ARK2N: variants seen among roughly 807,000 people sequenced by gnomAD.
The protein encoded by ARK2N is protein ARK2N.
At chr18:46,257,789 CT>C in the ARK2N span, among the ~76,000 whole-genome samples, 1 of 152,012 alleles carries the variant, frequency 6.6e-6, no homozygotes, top group Non-Finnish European at 1.5e-5. Flanking sequence ...GGAACAGTTC[CT>C]TTTGGTACCT....
chr18:46,255,755 T>G, the ARK2N span, among the ~76,000 whole-genome samples: 1 of 151,928 alleles, frequency 6.6e-6, no homozygotes, highest in African/African-American at 2.4e-5. Flanking sequence ...TTGGCCTCTT[T>G]TTCTTTTTTT....
At chr18:46,243,824 T>G in the ARK2N span, among the ~76,000 whole-genome samples, 5 of 152,194 alleles carry the variant, frequency 3.3e-5, no homozygotes, top group African/African-American at 1.2e-4. Context: ...AAAAGGTTAT[T>G]GTTACCACTA....
At chr18:46,185,694 AAAC>A in the ARK2N span, among the ~76,000 whole-genome samples, 2 of 152,194 alleles carry the variant, frequency 1.3e-5, no homozygotes, top group African/African-American at 4.8e-5. Flanking sequence ...CTTGTTTAAA[AAAC>A]CAGGTAAGGC....
chr18:46,202,016 G>T, the ARK2N span, among the ~76,000 whole-genome samples: 6 of 152,134 alleles, frequency 3.9e-5, no homozygotes, highest in East Asian at 1.2e-3. Flanking sequence ...GACCTCAGGT[G>T]GTCCACCTTC....
At chr18:46,211,360 A>C in the ARK2N span, among the ~76,000 whole-genome samples, 1 of 152,108 alleles carries the variant, frequency 6.6e-6, no homozygotes, top group East Asian at 1.9e-4. Context: ...AGCATGTGCC[A>C]CCATGCTCAG....
At chr18:46,265,184 G>C in the ARK2N span, 2 of 152,644 alleles carry the variant, frequency 1.3e-5, no homozygotes, top group African/African-American at 4.8e-5. Context: ...TTTCTGGTCT[G>C]TGTTTTCCAG....
At chr18:46,234,557 T>C in the ARK2N span, among the ~76,000 whole-genome samples, 2 of 151,918 alleles carry the variant, frequency 1.3e-5, no homozygotes, top group African/African-American at 4.8e-5. Context: ...AAAACTGCTT[T>C]TTTTTTTTTC....
chr18:46,258,297 T>A, the ARK2N span, among the ~76,000 whole-genome samples: 1 of 152,216 alleles, frequency 6.6e-6, no homozygotes, highest in Admixed American at 6.5e-5. Flanking sequence ...CAAGGATTCA[T>A]TTCCTCTTCA....
chr18:46,218,102 A>G, the ARK2N span: 2 of 152,216 alleles, frequency 1.3e-5, no homozygotes, highest in Admixed American at 6.5e-5. Context: ...TTTTGTGGAA[A>G]GGAAGAAGGT....
At chr18:46,248,937 A>G in the ARK2N span, among the ~76,000 whole-genome samples, 3 of 152,090 alleles carry the variant, frequency 2.0e-5, no homozygotes, top group Non-Finnish European at 4.4e-5. Context: ...TCATTGGACC[A>G]ATCCCCCATC....
At chr18:46,248,567 C>G in the ARK2N span, among the ~76,000 whole-genome samples, 1 of 152,084 alleles carries the variant, frequency 6.6e-6, no homozygotes. Flanking sequence ...TTTCTATACT[C>G]TTTATTTTTG....
the ARK2N span, among the ~76,000 whole-genome samples, chr18:46,225,696 G>C: frequency 1.3e-5 from 2 of 152,078 alleles, no homozygotes; most frequent in African/African-American, 2.4e-5. Flanking sequence ...TCCTGACCTC[G>C]TGCTCCGCCC....
the ARK2N span, chr18:46,240,077 A>G: frequency 4.3e-6 from 7 of 1,614,082 alleles, no homozygotes; most frequent in East Asian, 2.2e-5. Flanking sequence ...AATGTGGACA[A>G]TTTATTGGCG....
At chr18:46,241,616 G>T in the ARK2N span, among the ~76,000 whole-genome samples, 1 of 151,700 alleles carries the variant, frequency 6.6e-6, no homozygotes, top group Non-Finnish European at 1.5e-5. Context: ...GGTGGTGGGC[G>T]CCTGTAATCT....
At chr18:46,200,023 A>G in the ARK2N span, among the ~76,000 whole-genome samples, 1 of 151,860 alleles carries the variant, frequency 6.6e-6, no homozygotes, top group Non-Finnish European at 1.5e-5. Flanking sequence ...GTGGATTTTA[A>G]GCGCCAGCAT....
At chr18:46,207,895 G>A in the ARK2N span, among the ~76,000 whole-genome samples, 3 of 152,018 alleles carry the variant, frequency 2.0e-5, no homozygotes, top group African/African-American at 4.8e-5. Context: ...CATTCCATTG[G>A]CCTACCCCAT....
chr18:46,250,933 G>A, the ARK2N span, among the ~76,000 whole-genome samples: 1 of 152,108 alleles, frequency 6.6e-6, no homozygotes, highest in Non-Finnish European at 1.5e-5. Context: ...TTACCCTCAA[G>A]TCTGGTGAAT....
At chr18:46,203,358 A>G in the ARK2N span, among the ~76,000 whole-genome samples, 1 of 152,298 alleles carries the variant, frequency 6.6e-6, no homozygotes, top group South Asian at 2.1e-4. Flanking sequence ...CCTGAGAGAC[A>G]TTGTTGAACT....
the ARK2N span, among the ~76,000 whole-genome samples, chr18:46,251,352 A>G: frequency 6.6e-6 from 1 of 152,204 alleles, no homozygotes; most frequent in Non-Finnish European, 1.5e-5. Context: ...AACCAATTCC[A>G]TTTAAGCAGC....
Sources: allele counts gnomAD v4.1 joint callset (sites outside exome capture counted in the v4.1 genomes callset), GRCh38; gene constraint gnomAD v4.1.1; transcripts MANE v1.5; gene names NCBI Gene and HGNC (gene_info 2026-07-23, HGNC 2026-07-21).